Variants in TTC6 observed in about 807,000 individuals in gnomAD.
The protein encoded by TTC6 is tetratricopeptide repeat domain 6, also known as tetratricopeptide repeat protein 6.
TTC6 carries 172 observed loss-of-function variants against 210.4 expected under a neutral mutation model. That is an observed-to-expected ratio of 0.82 (90% confidence interval 0.72 to 0.93). The LOEUF is 0.93. Among genes scored for constraint, TTC6 ranks in the 40% least tolerant of loss-of-function variants. The pLI is 0.00. For synonymous variants in TTC6, 804 were observed against 819.6 expected, an observed-to-expected ratio of 0.98 and a Z score of 0.32; for missense variants, 2,414 against 2,318.1, an observed-to-expected ratio of 1.04 and a Z score of -0.85.
chr14:37,823,186 A>T (rs560518589), intron 26 of TTC6, among the ~76,000 whole-genome samples: 1 of 152,254 alleles, frequency 6.6e-6, no homozygotes, highest in South Asian at 2.1e-4. Context: ...TCATTTAGCC[A>T]AATACATTCA....
chr14:37,777,360 T>TG (rs57518151), intron 14 of TTC6, among the ~76,000 whole-genome samples: 95,848 of 151,810 alleles, frequency 0.63, 30,333 homozygotes, highest in Admixed American at 0.67. Context: ...CTTTGAACTC[T>TG]AGATTTTTTT....
intron 3 of TTC6, among the ~76,000 whole-genome samples, chr14:37,689,053 A>G (rs186308590): frequency 3.3e-5 from 5 of 152,302 alleles, no homozygotes; most frequent in South Asian, 2.1e-4. Flanking sequence ...AAGAAACTCA[A>G]AGAAATTCAA....
At chr14:37,624,210 T>A (rs1044599503) in intron 1 of TTC6, among the ~76,000 whole-genome samples, 1 of 152,208 alleles carries the variant, frequency 6.6e-6, no homozygotes, top group African/African-American at 2.4e-5. Context: ...ATGTTCTGAG[T>A]TGAGACTCAC....
intron 1 of TTC6, among the ~76,000 whole-genome samples, chr14:37,651,437 TTTTTTTTTTTTTTTTTCC>T (rs1259613021): frequency 1.9e-3 from 127 of 68,090 alleles, no homozygotes; most frequent in African/African-American, 9.7e-3. Flanking sequence ...TTTTTTTTTT[TTTTTTTTTTTTTTTTTCC>T]ATCCATGATT....
intron 6 of TTC6, among the ~76,000 whole-genome samples, chr14:37,717,521 G>A (rs923149015): frequency 6.6e-6 from 1 of 152,048 alleles, no homozygotes; most frequent in African/African-American, 2.4e-5. Context: ...TATTTGAATA[G>A]CCCTATAAAT....
chr14:37,776,532 T>C (rs540046181), intron 14 of TTC6, among the ~76,000 whole-genome samples: 2 of 152,204 alleles, frequency 1.3e-5, no homozygotes, highest in South Asian at 4.1e-4. Context: ...AATTCCCTTA[T>C]CATTTGCTTG....
At chr14:37,737,986 G>A (rs770116542) in intron 9 of TTC6, among the ~76,000 whole-genome samples, 2 of 151,426 alleles carry the variant, frequency 1.3e-5, no homozygotes, top group Non-Finnish European at 3.0e-5. Context: ...TTTGAAATTT[G>A]GGCCAAAATT....
chr14:37,670,653 T>G (rs771753640), intron 1 of TTC6, among the ~76,000 whole-genome samples: 4 of 151,730 alleles, frequency 2.6e-5, no homozygotes, highest in African/African-American at 4.8e-5. Context: ...GTATTTTTAG[T>G]AGAGATGGGG....
intron 7 of TTC6, among the ~76,000 whole-genome samples, chr14:37,732,731 C>T (rs574866544): frequency 6.6e-6 from 1 of 151,964 alleles, no homozygotes; most frequent in Non-Finnish European, 1.5e-5. Flanking sequence ...CCATTCTCTG[C>T]CTCAGCCTCC....
At chr14:37,625,617 C>T (rs1595027669) in intron 1 of TTC6, among the ~76,000 whole-genome samples, 2 of 150,360 alleles carry the variant, frequency 1.3e-5, no homozygotes, top group Non-Finnish European at 3.0e-5. Context: ...TTTAAAAATT[C>T]TTAAGAAGAT....
intron 1 of TTC6, among the ~76,000 whole-genome samples, chr14:37,675,252 C>A (rs569377541): frequency 1.3e-5 from 2 of 152,176 alleles, no homozygotes; most frequent in African/African-American, 4.8e-5. Context: ...CAGGCCCTGG[C>A]AACAACAAGT....
chr14:37,757,042 A>G (rs1387527214), intron 14 of TTC6, among the ~76,000 whole-genome samples: 1 of 152,078 alleles, frequency 6.6e-6, no homozygotes, highest in Non-Finnish European at 1.5e-5. Flanking sequence ...TTATTGGTCT[A>G]TTCAGGGATT....
intron 14 of TTC6, among the ~76,000 whole-genome samples, chr14:37,774,830 A>G (rs2096032091): frequency 6.6e-6 from 1 of 152,092 alleles, no homozygotes; most frequent in Admixed American, 6.5e-5. Context: ...TCTTCTTTAC[A>G]CATCTGGTAG....
intron 7 of TTC6, among the ~76,000 whole-genome samples, chr14:37,728,816 G>A (rs946298542): frequency 6.6e-6 from 1 of 152,132 alleles, no homozygotes; most frequent in Non-Finnish European, 1.5e-5. Flanking sequence ...AATCACACTA[G>A]TGGTATGTGA....
At chr14:37,751,973 G>A (rs957729890) in intron 13 of TTC6, among the ~76,000 whole-genome samples, 11 of 151,768 alleles carry the variant, frequency 7.2e-5, no homozygotes, top group Non-Finnish European at 1.5e-5. Context: ...ACAGGTGCCC[G>A]CCACTATGCC....
intron 7 of TTC6, among the ~76,000 whole-genome samples, chr14:37,734,700 A>G (rs777096586): frequency 1.3e-5 from 2 of 152,142 alleles, no homozygotes; most frequent in Admixed American, 6.6e-5. Context: ...GGGGTAGAGT[A>G]GGAGGATTTT....
chr14:37,821,153 T>G (rs971819169), intron 26 of TTC6, among the ~76,000 whole-genome samples: 1 of 151,746 alleles, frequency 6.6e-6, no homozygotes, highest in East Asian at 1.9e-4. Flanking sequence ...CTGCAACCTT[T>G]GCCTCCTGGG....
intron 6 of TTC6, among the ~76,000 whole-genome samples, chr14:37,719,866 AT>A (rs140421865): frequency 0.2 from 29,544 of 150,896 alleles, 3,207 homozygotes; most frequent in South Asian, 0.26. Context: ...ATCAGAATTA[AT>A]TTTTTTTTTC....
chr14:37,630,921 T>TTTG, intron 1 of TTC6, among the ~76,000 whole-genome samples: 1 of 83,726 alleles, frequency 1.2e-5, no homozygotes, highest in African/African-American at 5.1e-5. Flanking sequence ...TTTTTTTTTT[T>TTTG]TTTTTTTTTT....
Sources: allele counts gnomAD v4.1 joint callset (sites outside exome capture counted in the v4.1 genomes callset), GRCh38; gene constraint gnomAD v4.1.1; transcripts MANE v1.5; gene names NCBI Gene and HGNC (gene_info 2026-07-23, HGNC 2026-07-21).